CACNA1C: variants seen among roughly 807,000 people sequenced by gnomAD.
CACNA1C encodes the protein voltage-dependent L-type calcium channel subunit alpha-1C.
Under a neutral mutation model 229.0 loss-of-function variants are expected in CACNA1C, and 30 were observed. The ratio of observed to expected loss-of-function variants is 0.13; its 90% CI spans 0.10 to 0.18. The LOEUF is 0.18. CACNA1C is among the 10% of genes least tolerant of loss of function. CACNA1C has a pLI of 1.00. For missense variants in CACNA1C, 1,658 were observed against 2,845.0 expected, an observed-to-expected ratio of 0.58 and a Z score of 9.49; for synonymous variants, 1,114 against 1,132.5, an observed-to-expected ratio of 0.98 and a Z score of 0.33.
intron 3 of CACNA1C, among the ~76,000 whole-genome samples, chr12:2,128,053 AG>A (rs2090840109): frequency 6.6e-6 from 1 of 152,204 alleles, no homozygotes; most frequent in Non-Finnish European, 1.5e-5. Flanking sequence ...GGCACACGTA[AG>A]GCTCTCCATA....
intron 1 of CACNA1C, chr12:1,992,172 G>A: frequency 5.5e-6 from 1 of 180,490 alleles, no homozygotes. Flanking sequence ...TTTCTATATT[G>A]CAAAACTTTT....
At chr12:2,363,275 C>T (rs889992168) in intron 3 of CACNA1C, among the ~76,000 whole-genome samples, 8 of 152,212 alleles carry the variant, frequency 5.3e-5, no homozygotes, top group African/African-American at 1.9e-4. Flanking sequence ...TCCCTGGAAA[C>T]CCACCTTGTC....
At chr12:2,333,706 C>T (rs1011659057) in intron 3 of CACNA1C, among the ~76,000 whole-genome samples, 2 of 152,156 alleles carry the variant, frequency 1.3e-5, no homozygotes, top group African/African-American at 4.8e-5. Flanking sequence ...TTTCTGACAG[C>T]AAGAGTGAAT....
chr12:2,044,572 C>A (rs1594285549), intron 1 of CACNA1C, among the ~76,000 whole-genome samples: 1 of 152,258 alleles, frequency 6.6e-6, no homozygotes, highest in South Asian at 2.1e-4. Flanking sequence ...GTTTACCGTT[C>A]CAGGAATGTA....
At position 2,354,544 on chromosome 12, in the gene CACNA1C, G is replaced by A. The variant is rs953043889; in HGVS notation, c.478-94432G>A. On this transcript the variant is annotated intron_variant, in intron 3 of 46. Coordinates refer to ENST00000399655, the MANE Select transcript of CACNA1C (RefSeq NM_000719.7). The surrounding 1 kb of genome is among the most constrained non-coding windows in gnomAD (Gnocchi z 4.6). ...ATTCCATCTTTGAGACCCAAGAGAG[G>A]GAAAATGCCTTTCCGCATGCATGCT... 1.3e-5 allele frequency among the ~76,000 whole-genome samples: 2 copies of A among 152,138 alleles called. No individual in the cohort carries two copies. The highest frequency in any genetic ancestry group is 1.3e-4 in the Admixed American group (2 of 15,278).
intron 30 of CACNA1C, among the ~76,000 whole-genome samples, chr12:2,643,409 T>G (rs112028072): frequency 0.011 from 1,716 of 152,318 alleles, 13 homozygotes; most frequent in Non-Finnish European, 0.018. Context: ...ATGGGAATTC[T>G]GCTTAGAATT....
chr12:2,341,554 G>T (rs908275254), intron 3 of CACNA1C, among the ~76,000 whole-genome samples: 1 of 152,192 alleles, frequency 6.6e-6, no homozygotes, highest in Non-Finnish European at 1.5e-5. Flanking sequence ...CACCTGAGAG[G>T]CAGCCTCCCG....
At chr12:2,610,401 G>A in intron 27 of CACNA1C, 140 bp from the exon 28 acceptor site, 1 of 773,616 alleles carries the variant, frequency 1.3e-6, no homozygotes, top group African/African-American at 1.7e-5. Context: ...GTGAGCCGGA[G>A]CGGCCAATGA....
At chr12:2,345,349 G>A (rs1422520913) in intron 3 of CACNA1C, among the ~76,000 whole-genome samples, 1 of 152,004 alleles carries the variant, frequency 6.6e-6, no homozygotes, top group Non-Finnish European at 1.5e-5. Flanking sequence ...TTGCGAAGAG[G>A]TCCAGGAGCC....
chr12:2,481,284 C>T (rs2099674779), intron 5 of CACNA1C, among the ~76,000 whole-genome samples: 1 of 152,182 alleles, frequency 6.6e-6, no homozygotes. Context: ...TTTGGCCAAT[C>T]TGGGCATCTC....
intron 3 of CACNA1C, among the ~76,000 whole-genome samples, chr12:2,242,960 C>G (rs1295405582): frequency 6.6e-6 from 1 of 152,060 alleles, no homozygotes; most frequent in Non-Finnish European, 1.5e-5. Flanking sequence ...AGTGACTTAC[C>G]CACGATCATA....
intron 3 of CACNA1C, among the ~76,000 whole-genome samples, chr12:2,241,171 G>A (rs1416050266): frequency 6.6e-6 from 1 of 152,030 alleles, no homozygotes; most frequent in Admixed American, 6.6e-5. Context: ...ATCCTCCCAC[G>A]CATGGAGAAG....
chr12:2,192,424 T>C (rs1353600278), intron 3 of CACNA1C, among the ~76,000 whole-genome samples: 1 of 152,188 alleles, frequency 6.6e-6, no homozygotes, highest in Non-Finnish European at 1.5e-5. Context: ...TGGATTCCCG[T>C]GCCTGCGGAC....
In CACNA1C at chr12:2,677,877, G is replaced by A. The variant is rs752743979; in HGVS notation, c.5091+10G>A. ...AGATGACATCTTCAGGGTGGGTGGT[G>A]CCATGGCGCACTCTCGACCCCTATA... On this transcript the variant is annotated intron_variant, in intron 41 of 46. Coordinates refer to ENST00000399655, the MANE Select transcript of CACNA1C (RefSeq NM_000719.7). The surrounding 1 kb of genome is among the most constrained non-coding windows in gnomAD (Gnocchi z 7.4). 6.2e-7 allele frequency: 1 copy of A among 1,613,852 alleles called. No homozygotes were observed. Among genetic ancestry groups the A allele is most frequent in the Non-Finnish European group, 8.5e-7 (1 of 1,179,818 alleles).
In CACNA1C at chr12:2,053,431, G is replaced by T; in HGVS notation, c.-132G>T. The stretch of plus-strand genomic sequence containing the variant: ...TCGGCGGGGAAGAAGAAACGCTGCA[G>T]ACCACGGCTTCCTCGAATCTTGCGC... On this transcript the variant is annotated 5_prime_UTR_variant, in exon 1 of 47. Coordinates refer to ENST00000399655, the MANE Select transcript of CACNA1C (RefSeq NM_000719.7). This position sits in a 1 kb window ranked among gnomAD's most constrained non-coding sequence, Gnocchi z 5.8. The T allele has an allele frequency of 6.9e-7, 1 of 1,448,878 alleles. No homozygotes were observed. The highest frequency in any genetic ancestry group is 1.5e-5 in the South Asian group (1 of 67,592). The allele number at this position is 1,448,878 out of a possible 1,614,324, so 89.8% of individuals were successfully genotyped here. A position where few individuals can be genotyped will look rare whatever the true frequency, so the allele number is the denominator to read the frequency against.
chr12:2,048,398 C>A (rs1003423770), upstream of CACNA1C: 1 of 152,202 alleles, frequency 6.6e-6, no homozygotes, highest in African/African-American at 2.4e-5. Context: ...ATCAACTTTA[C>A]CTGGTTTGAA....
intron 3 of CACNA1C, among the ~76,000 whole-genome samples, chr12:2,324,629 T>C (rs2096201660): frequency 6.6e-6 from 1 of 152,254 alleles, no homozygotes; most frequent in Admixed American, 6.5e-5. Flanking sequence ...GCTGCTTCTC[T>C]GCTCTGTGAT....
intron 3 of CACNA1C, among the ~76,000 whole-genome samples, chr12:2,182,382 A>G (rs540896547): frequency 3.3e-5 from 5 of 151,870 alleles, no homozygotes; most frequent in Non-Finnish European, 7.4e-5. Context: ...CCCTCTCCCA[A>G]TGCCTTTCCC....
In CACNA1C at chr12:2,650,303, G is replaced by A. The variant is rs2094817493; in HGVS notation, c.3946-1337G>A. ...GGCCTCTGACGCCTCATCAGGGTGGGCCAGAGCAGGCAGCGCAGTTAGAAG... is the reference window on the plus strand; with the variant it reads ...GGCCTCTGACGCCTCATCAGGGTGGACCAGAGCAGGCAGCGCAGTTAGAAG... On this transcript the variant is annotated intron_variant, in intron 31 of 46. Coordinates refer to ENST00000399655, the MANE Select transcript of CACNA1C (RefSeq NM_000719.7). Among the ~76,000 whole-genome samples the A allele has an allele frequency of 2.0e-5, 3 of 152,200 alleles. No homozygotes were observed. In the South Asian group the frequency reaches 6.2e-4, roughly 31 times the overall value.
Sources: allele counts gnomAD v4.1 joint callset (sites outside exome capture counted in the v4.1 genomes callset), GRCh38; gene constraint gnomAD v4.1.1; non-coding constraint Gnocchi (gnomAD v3.1); transcripts MANE v1.5; gene names NCBI Gene and HGNC (gene_info 2026-07-23, HGNC 2026-07-21).